Variants in PID1 observed in about 807,000 individuals in gnomAD.
PID1 encodes the protein PTB-containing, cubilin and LRP1-interacting protein.
Under a neutral mutation model 19.1 loss-of-function variants are expected in PID1, and 10 were observed. The ratio of observed to expected loss-of-function variants is 0.52; its 90% CI spans 0.32 to 0.89. The LOEUF is 0.89. PID1 is among the 40% of genes least tolerant of loss of function. PID1 has a pLI of 0.03. For synonymous variants in PID1, 130 were observed against 116.0 expected (o/e 1.12, Z -0.78); for missense variants, 248 against 285.3 (o/e 0.87, Z 0.94).
chr2:229,259,136 C>A (rs974493107), intron 1 of PID1, among the ~76,000 whole-genome samples: 4 of 150,096 alleles, frequency 2.7e-5, no homozygotes, highest in Admixed American at 2.0e-4. Flanking sequence ...TACCTAATGA[C>A]TAATGACATT....
chr2:229,141,393 G>T (rs1690008017), intron 2 of PID1, among the ~76,000 whole-genome samples: 1 of 152,038 alleles, frequency 6.6e-6, no homozygotes, highest in African/African-American at 2.4e-5. Context: ...AATAAAGAGG[G>T]GAGAACAGAA....
intron 2 of PID1, among the ~76,000 whole-genome samples, chr2:229,061,753 T>C (rs1432697872): frequency 6.6e-6 from 1 of 151,998 alleles, no homozygotes; most frequent in East Asian, 1.9e-4. Flanking sequence ...AAAGAGAACT[T>C]TGCATTCATG....
chr2:229,159,829 T>C (rs1690456177), intron 1 of PID1, among the ~76,000 whole-genome samples: 1 of 152,178 alleles, frequency 6.6e-6, no homozygotes, highest in Non-Finnish European at 1.5e-5. Flanking sequence ...AACTTCGTAA[T>C]CTGGAAGTTT....
chr2:229,049,091 A>T (rs932134775), intron 2 of PID1, among the ~76,000 whole-genome samples: 42 of 152,260 alleles, frequency 2.8e-4, no homozygotes, highest in African/African-American at 1.0e-3. Flanking sequence ...ATTTTGATGT[A>T]TATATTAAAT....
At chr2:229,179,919 A>G (rs773658701) in intron 1 of PID1, among the ~76,000 whole-genome samples, 3 of 152,118 alleles carry the variant, frequency 2.0e-5, no homozygotes, top group African/African-American at 4.8e-5. Flanking sequence ...GCCCAGACTC[A>G]CCTTGTCCCT....
intron 2 of PID1, among the ~76,000 whole-genome samples, chr2:229,033,178 G>A (rs1258853895): frequency 2.0e-5 from 3 of 152,164 alleles, no homozygotes; most frequent in Admixed American, 6.6e-5. Flanking sequence ...ACGCTAGACT[G>A]GAGAGTGGGA....
At chr2:229,235,456 G>A (rs72979183) in intron 1 of PID1, among the ~76,000 whole-genome samples, 3,019 of 152,198 alleles carry the variant, frequency 0.02, 47 homozygotes, top group Middle Eastern at 0.041. Context: ...ACAAGAGAGC[G>A]AATGGTAACT....
At chr2:229,193,589 G>C in intron 1 of PID1, among the ~76,000 whole-genome samples, 1 of 152,168 alleles carries the variant, frequency 6.6e-6, no homozygotes, top group East Asian at 1.9e-4. Context: ...CAATATTGTT[G>C]TTCTTGTGAG....
intron 2 of PID1, among the ~76,000 whole-genome samples, chr2:229,027,103 T>C (rs1358372021): frequency 6.6e-6 from 1 of 152,030 alleles, no homozygotes; most frequent in Non-Finnish European, 1.5e-5. Flanking sequence ...CAGAAGAGGG[T>C]CCGTGGAAAC....
chr2:229,086,518 A>T (rs879823363), intron 2 of PID1, among the ~76,000 whole-genome samples: 3 of 152,208 alleles, frequency 2.0e-5, no homozygotes, highest in Non-Finnish European at 4.4e-5. Flanking sequence ...AAGTCAAACC[A>T]TCTTAAGTCA....
chr2:229,073,965 G>A (rs1694508582), intron 2 of PID1, among the ~76,000 whole-genome samples: 1 of 152,182 alleles, frequency 6.6e-6, no homozygotes, highest in African/African-American at 2.4e-5. Context: ...GTAAGAAATG[G>A]TATGTTTTCC....
At chr2:229,249,224 C>G (rs572051800) in intron 1 of PID1, among the ~76,000 whole-genome samples, 8 of 151,324 alleles carry the variant, frequency 5.3e-5, no homozygotes, top group Non-Finnish European at 1.0e-4. Context: ...ATTTAAATGT[C>G]AAGAAAATCC....
intron 1 of PID1, among the ~76,000 whole-genome samples, chr2:229,250,005 T>A (rs762282236): frequency 6.6e-6 from 1 of 152,322 alleles, no homozygotes; most frequent in Non-Finnish European, 1.5e-5. Context: ...AACCAAAGCA[T>A]CAAAGCAACT....
chr2:229,157,411 T>A lies in PID1; in HGVS notation c.31-1447A>T, dbSNP rs924095710. Among the ~76,000 whole-genome samples the A allele has an allele frequency of 3.6e-3, 513 of 144,170 alleles. 2 individuals carry two copies. Among genetic ancestry groups the A allele is most frequent in the African/African-American group, 0.013 (497 of 38,108 alleles). The allele number at this position is 144,170 out of a possible 152,430, so 94.6% of individuals were successfully genotyped here. On this transcript the variant is annotated intron_variant, in intron 1 of 2. Transcript: ENST00000392055. ...CACCACTGTACTCCAGCCTGGGCGA[T>A]AAGAGCAAGATTCCATCTCAAAAAA...
chr2:229,101,657 TAA>T, intron 2 of PID1, among the ~76,000 whole-genome samples: 3 of 152,186 alleles, frequency 2.0e-5, no homozygotes, highest in Non-Finnish European at 4.4e-5. Context: ...GCAGAGAAGC[TAA>T]AGAGTTTGCC....
At chr2:229,039,481 T>TATG (rs2106172676) in intron 2 of PID1, among the ~76,000 whole-genome samples, 2 of 152,338 alleles carry the variant, frequency 1.3e-5, no homozygotes, top group Non-Finnish European at 2.9e-5. Flanking sequence ...AAAATGACAG[T>TATG]CTTTAACATA....
At position 229,195,629 on chromosome 2, in the gene PID1, AT is replaced by A. The variant is rs549306959; in HGVS notation, c.31-39666del. ...TTAGTGATATGTCCTAGAGATAATT[AT>A]TTTTTTCATAACTGCACAATACCTA... On this transcript the variant is annotated intron_variant, in intron 1 of 2. Transcript: ENST00000392055. 5.3e-3 allele frequency among the ~76,000 whole-genome samples: 804 copies of A among 151,976 alleles called. 11 individuals are homozygous for A. Among genetic ancestry groups the A allele is most frequent in the Admixed American group, 0.013 (192 of 15,234 alleles).
intron 1 of PID1, among the ~76,000 whole-genome samples, chr2:229,250,984 G>C (rs1293501579): frequency 6.6e-6 from 1 of 152,106 alleles, no homozygotes; most frequent in Non-Finnish European, 1.5e-5. Context: ...AAAGACTATG[G>C]GAAATTAACA....
chr2:229,131,940 G>C (rs1434586064), intron 2 of PID1, among the ~76,000 whole-genome samples: 2 of 152,012 alleles, frequency 1.3e-5, no homozygotes, highest in Non-Finnish European at 2.9e-5. Context: ...CCTTCTGTCT[G>C]GGAGCAAACC....
Sources: gnomAD v4.1 joint callset for allele counts (sites outside exome capture counted in the v4.1 genomes callset) on GRCh38, gnomAD v4.1.1 for gene constraint, MANE v1.5 for transcripts, NCBI Gene and HGNC (gene_info 2026-07-23, HGNC 2026-07-21) for gene names.